MAK16: variants seen among roughly 807,000 people sequenced by gnomAD.
MAK16 encodes MAK16 homolog.
MAK16 carries 12 observed loss-of-function variants against 49.9 expected under a neutral mutation model. The observed-to-expected ratio is 0.24, with a 90% confidence interval of 0.15 to 0.39. The LOEUF is 0.39. MAK16 is among the 10% of genes least tolerant of loss of function. The pLI is 1.00. For missense variants in MAK16, 292 were observed against 363.7 expected (o/e 0.80, Z 1.60); for synonymous variants, 115 against 126.4 (o/e 0.91, Z 0.60).
rs769766696 is a variant in MAK16, at chr8:33,490,298, C to G, written c.406C>G (p.Pro136Ala). ...LTLKRQRKLVPLSKKVERREK... is the reference protein window; with the variant it reads ...LTLKRQRKLVALSKKVERREK... ...TCTTTCCCTTAGGAGGAAACTTGTTCCTTTGAGTAAGAAGGTGGAGCGTAG... is the reference window on the plus strand; with the variant it reads ...TCTTTCCCTTAGGAGGAAACTTGTTGCTTTGAGTAAGAAGGTGGAGCGTAG... Residue 136 changes from proline (P) to alanine (A), a missense_variant, in exon 6 of 10, where the codon CCT becomes GCT. Transcript: ENST00000360128. The G allele has an allele frequency of 1.2e-6, 2 of 1,612,404 alleles. No homozygotes were observed. The highest frequency in any genetic ancestry group is 1.7e-6 in the Non-Finnish European group (2 of 1,178,818).
At position 33,488,217 on chromosome 8, in the gene MAK16, C is replaced by T. The variant is rs1446403291; in HGVS notation, c.16-161C>T. On this transcript the variant is annotated intron_variant, in intron 1 of 9. Coordinates refer to ENST00000360128, the MANE Select transcript of MAK16 (RefSeq NM_032509.4). ...TGCTGGGATTACAGGCGTGAGCCACCGTGCCCGGCCTTGCTGTTTGTATTT... is the reference window on the plus strand; with the variant it reads ...TGCTGGGATTACAGGCGTGAGCCACTGTGCCCGGCCTTGCTGTTTGTATTT... Among the ~76,000 whole-genome samples the T allele has an allele frequency of 2.6e-5, 4 of 152,212 alleles. No homozygotes were observed. The South Asian group carries it at 6.2e-4, about 24-fold the overall frequency.
At chr8:33,485,530 G>T in intron 1 of MAK16, 1 of 447,972 alleles carries the variant, frequency 2.2e-6, no homozygotes, top group Non-Finnish European at 4.1e-6. Context: ...TGTCAGCTCC[G>T]GACTTGGGGT....
chr8:33,490,417 T>C (rs1808759379), intron 6 of MAK16, 78 bp downstream of exon 6: 9 of 1,149,072 alleles, frequency 7.8e-6, no homozygotes, highest in Non-Finnish European at 1.2e-5. Context: ...ACCATCATTA[T>C]GTAAACTGTT....
At chr8:33,491,366 A>C (rs148674051) in intron 6 of MAK16, among the ~76,000 whole-genome samples, 1 of 152,174 alleles carries the variant, frequency 6.6e-6, no homozygotes, top group East Asian at 1.9e-4. Flanking sequence ...ACTGTTCTCC[A>C]TAGTGGTTGT....
chr8:33,498,410 A>T, intron 9 of MAK16, 22 bp from the exon 10 acceptor site: 1 of 1,610,480 alleles, frequency 6.2e-7, no homozygotes, highest in Non-Finnish European at 8.5e-7. Context: ...CTCTTCCTTT[A>T]TCTTTTCTCT....
Position 33,500,572 on chromosome 8 carries a change from A to G in MAK16, c.*1943A>G. 6.5e-7 allele frequency: 1 copy of G among 1,532,548 alleles called. No homozygotes were observed. The highest frequency in any genetic ancestry group is 1.4e-5 in the African/African-American group (1 of 72,162). 94.9% of individuals were successfully genotyped at this position (1,532,548 alleles called of 1,614,324 possible). On this transcript the variant is annotated 3_prime_UTR_variant, in exon 10 of 10. Transcript: ENST00000360128. The stretch of plus-strand genomic sequence containing the variant: ...AGAGACTTCAAAGACTGTCAAGTGG[A>G]AAGCTATCATTTCCTAAATTAAGGA...
chr8:33,493,233 A>C (rs1808804764), intron 6 of MAK16, among the ~76,000 whole-genome samples: 1 of 152,174 alleles, frequency 6.6e-6, no homozygotes. Context: ...GGCTCACTGC[A>C]ACCTCTGTCT....
At position 33,500,199 on chromosome 8, in the gene MAK16, T is replaced by G; in HGVS notation, c.*1570T>G. ...CTCTTTTGAGGCTAGAGGGCTCATATGGAGATCTAAAACCCTCCATGTTCA... is the reference window on the plus strand; with the variant it reads ...CTCTTTTGAGGCTAGAGGGCTCATAGGGAGATCTAAAACCCTCCATGTTCA... On this transcript the variant is annotated 3_prime_UTR_variant, in exon 10 of 10. Coordinates refer to ENST00000360128, the MANE Select transcript of MAK16 (RefSeq NM_032509.4). 9.8e-7 allele frequency: 1 copy of G among 1,022,048 alleles called. No homozygotes were observed. The allele number at this position is 1,022,048 out of a possible 1,614,324, so 63.3% of individuals were successfully genotyped here. A position where few individuals can be genotyped will look rare whatever the true frequency, so the allele number is the denominator to read the frequency against.
Position 33,498,672 on chromosome 8 carries a change from T to G in MAK16, c.*43T>G. The G allele has an allele frequency of 7.1e-7, 1 of 1,415,200 alleles. No homozygotes were observed. Among genetic ancestry groups the G allele is most frequent in the Non-Finnish European group, 9.4e-7 (1 of 1,062,180 alleles). 87.7% of individuals were successfully genotyped at this position (1,415,200 alleles called of 1,614,324 possible). On this transcript the variant is annotated 3_prime_UTR_variant, in exon 10 of 10. Coordinates refer to ENST00000360128, the MANE Select transcript of MAK16 (RefSeq NM_032509.4). ...ATACCCAGGACTGAACATGCAGAAC[T>G]GTTTTTTTTTTTTTTTTATCTTAAA...
At chr8:33,497,162 T>C (rs1229803982) in intron 8 of MAK16, 70 bp from the exon 9 acceptor site, 1 of 1,127,830 alleles carries the variant, frequency 8.9e-7, no homozygotes, top group African/African-American at 1.5e-5. Flanking sequence ...TGTTATTTTG[T>C]ACTTACTTAG....
rs1230416942 is a variant in MAK16 at position 33,498,547 on chromosome 8, G to C, written c.821G>C (p.Gly274Ala). The change falls in exon 10 of 10, where the codon GGA (glycine) becomes GCA (alanine). Residue 274 changes from glycine to alanine, a missense_variant. Transcript: ENST00000360128. ...AKHKGKMPLRGPLQRKRAYVE... is the reference protein window; with the variant it reads ...AKHKGKMPLRAPLQRKRAYVE... The stretch of plus-strand genomic sequence containing the variant: ...CACAAAGGCAAAATGCCCTTGAGAG[G>C]ACCACTGCAGAGAAAACGAGCCTAT... The C allele has an allele frequency of 6.2e-7, 1 of 1,613,946 alleles. No homozygotes were observed. The highest frequency in any genetic ancestry group is 8.5e-7 in the Non-Finnish European group (1 of 1,180,034).
chr8:33,488,589 C>T lies in MAK16; in HGVS notation c.135C>T (p.Pro45=). 1.2e-6 allele frequency: 2 copies of T among 1,614,112 alleles called. No homozygotes were observed. The highest frequency in any genetic ancestry group is 1.7e-6 in the Non-Finnish European group (2 of 1,180,044). The change falls in exon 3 of 10, where the codon CCC becomes CCT. Residue 45 remains proline, a synonymous_variant. Coordinates refer to ENST00000360128, the MANE Select transcript of MAK16 (RefSeq NM_032509.4). ...LTGLCNRSSC[P]LANSQYATIK... Reference sequence around the variant, plus strand: ...GACTGTGTAATCGGTCATCCTGTCCCCTGGCAAATAGTCAGTATGCCACTA... The same window carrying T: ...GACTGTGTAATCGGTCATCCTGTCCTCTGGCAAATAGTCAGTATGCCACTA...
Position 33,500,464 on chromosome 8 carries a change from AGT to A in MAK16, c.*1836_*1837del, listed in dbSNP as rs1809032058. The stretch of plus-strand genomic sequence containing the variant: ...ACAAATCAGTTTCAAGAGGGCCTTC[AGT>A]AAGACCACAAGTCTGCAGGAAACTC... On this transcript the variant is annotated 3_prime_UTR_variant, in exon 10 of 10. Coordinates refer to ENST00000360128, the MANE Select transcript of MAK16 (RefSeq NM_032509.4). 2.5e-6 allele frequency: 4 copies of A among 1,614,046 alleles called. No homozygotes were observed. Among genetic ancestry groups the A allele is most frequent in the Admixed American group, 1.7e-5 (1 of 60,002 alleles).
At chr8:33,485,346 C>G (rs1808668950) in intron 1 of MAK16, 125 bp downstream of exon 1, 1 of 1,289,346 alleles carries the variant, frequency 7.8e-7, no homozygotes, top group Non-Finnish European at 1.1e-6. Context: ...GTGAGGCTTC[C>G]GGAACCCCGA....
rs1554526009 is a variant in MAK16 at position 33,498,689 on chromosome 8, T to TTA, written c.*60_*61insTA. On this transcript the variant is annotated 3_prime_UTR_variant, in exon 10 of 10. Transcript: ENST00000360128. ...TGCAGAACTGTTTTTTTTTTTTTTT[T>TTA]ATCTTAAACACATACACACCTCCAG... 1.1e-5 allele frequency: 16 copies of TTA among 1,410,224 alleles called. No individual in the cohort carries two copies. Among genetic ancestry groups the TTA allele is most frequent in the Middle Eastern group, 2.5e-4 (1 of 3,948 alleles). The allele number at this position is 1,410,224 out of a possible 1,614,324, so 87.4% of individuals were successfully genotyped here.
chr8:33,495,539 T>C lies in MAK16; in HGVS notation c.448-3T>C, dbSNP rs193143811. On this transcript the variant is annotated splice_region_variant and splice_polypyrimidine_tract_variant and intron_variant, in intron 6 of 9. Coordinates refer to ENST00000360128, the MANE Select transcript of MAK16 (RefSeq NM_032509.4). Reference sequence around the variant, plus strand: ...AAACAGATTTGCTCTTTCCCCCTTATAGGAAAAGGCATTAATAGCTGCTCA... The same window carrying C: ...AAACAGATTTGCTCTTTCCCCCTTACAGGAAAAGGCATTAATAGCTGCTCA... The C allele has an allele frequency of 1.4e-4, 229 of 1,612,440 alleles. No homozygotes were observed. In the African/African-American group the frequency reaches 2.6e-3, roughly 18 times the overall value.
At chr8:33,486,053 TGA>T (rs201747232) in intron 1 of MAK16, among the ~76,000 whole-genome samples, 2,318 of 152,116 alleles carry the variant, frequency 0.015, 71 homozygotes, top group African/African-American at 0.053. Flanking sequence ...GTTGAAGATA[TGA>T]GAGAATGAAT....
At position 33,489,622 on chromosome 8, in the gene MAK16, C is replaced by T. The variant is rs1055928300; in HGVS notation, c.392+483C>T. On this transcript the variant is annotated intron_variant, in intron 5 of 9. Transcript: ENST00000360128. This position sits in a 1 kb window ranked among gnomAD's most constrained non-coding sequence, Gnocchi z 4.2. Reference sequence around the variant, plus strand: ...CTAGAATTCCTGACCTCAAGCGATCCGCCTTAGCCTCCCAAAGTGCTGGGA... The same window carrying T: ...CTAGAATTCCTGACCTCAAGCGATCTGCCTTAGCCTCCCAAAGTGCTGGGA... 8.5e-5 allele frequency among the ~76,000 whole-genome samples: 13 copies of T among 152,114 alleles called. No individual in the cohort carries two copies. Among genetic ancestry groups the T allele is most frequent in the African/African-American group, 2.9e-4 (12 of 41,442 alleles).
In MAK16 at chr8:33,489,481, A is replaced by G. The variant is rs768838251; in HGVS notation, c.392+342A>G. On this transcript the variant is annotated intron_variant, in intron 5 of 9. Coordinates refer to ENST00000360128, the MANE Select transcript of MAK16 (RefSeq NM_032509.4). This position sits in a 1 kb window ranked among gnomAD's most constrained non-coding sequence, Gnocchi z 4.2. ...AACCTCCATCTCCCCGGTTGAAGCA[A>G]TCCTCCCACCTCAGCCTCCTGAGCA... is the stretch of plus-strand genomic sequence containing the variant. 6.6e-6 allele frequency among the ~76,000 whole-genome samples: 1 copy of G among 152,164 alleles called. No individual in the cohort carries two copies.
Sources: allele counts gnomAD v4.1 joint callset (sites outside exome capture counted in the v4.1 genomes callset), GRCh38; gene constraint gnomAD v4.1.1; non-coding constraint Gnocchi (gnomAD v3.1); transcripts MANE v1.5; gene names NCBI Gene and HGNC (gene_info 2026-07-23, HGNC 2026-07-21).